The following NKIRAS1 variants were observed in gnomAD, a reference collection of about 807,000 sequenced individuals.
NKIRAS1 encodes the protein NFKB inhibitor interacting Ras like 1, also known as NF-kappa-B inhibitor-interacting Ras-like protein 1.
In NKIRAS1, 16 loss-of-function variants were observed where a neutral mutation model predicts 19.8. That is an observed-to-expected ratio of 0.81 (90% CI 0.55 to 1.23). The LOEUF (loss-of-function observed/expected upper bound fraction) is 1.23, where lower values mean the gene tolerates loss of function less well. NKIRAS1 is among the 50% of genes most tolerant of loss of function. The pLI is 0.00. For missense variants in NKIRAS1, 184 were observed against 220.0 expected (o/e 0.84, Z 1.04); for synonymous variants, 88 against 79.0 (o/e 1.11, Z -0.61).
chr3:23,914,423 G>A (rs1216360698), intron 1 of NKIRAS1, among the ~76,000 whole-genome samples: 2 of 152,098 alleles, frequency 1.3e-5, no homozygotes, highest in African/African-American at 4.8e-5. Flanking sequence ...CTGTCATGTG[G>A]GGAAACCACC....
chr3:23,910,411 T>G (rs1451075612), intron 3 of NKIRAS1, among the ~76,000 whole-genome samples: 6 of 152,152 alleles, frequency 3.9e-5, no homozygotes, highest in African/African-American at 1.4e-4. Context: ...TGCCTCGGCC[T>G]CCCAAAGTGC....
intron 1 of NKIRAS1, among the ~76,000 whole-genome samples, chr3:23,914,889 C>T (rs1366396778): frequency 6.6e-6 from 1 of 152,208 alleles, no homozygotes; most frequent in African/African-American, 2.4e-5. Flanking sequence ...CAGGACTACG[C>T]CCATAGGCAG....
At chr3:23,946,204 G>A in intron 1 of NKIRAS1, 1 of 985,436 alleles carries the variant, frequency 1.0e-6, no homozygotes, top group Non-Finnish European at 1.2e-6. Flanking sequence ...CGTCCCCGAA[G>A]CGGGCGCTGA....
chr3:23,906,922 C>T (rs1161706119), intron 3 of NKIRAS1, among the ~76,000 whole-genome samples: 2 of 151,998 alleles, frequency 1.3e-5, no homozygotes, highest in African/African-American at 4.8e-5. Flanking sequence ...TTGATACAGT[C>T]TCGCTCTGTT....
At chr3:23,931,710 AGGAG>A (rs1705318283) in intron 1 of NKIRAS1, among the ~76,000 whole-genome samples, 1 of 104,634 alleles carries the variant, frequency 9.6e-6, no homozygotes, top group Non-Finnish European at 2.2e-5. Context: ...ATGGAAAGGA[AGGAG>A]AGAGAGAGAG....
At position 23,900,808 on chromosome 3, in the gene NKIRAS1, CTCT is replaced by C; in HGVS notation, c.333_335del (p.Glu112del). On this transcript the variant is annotated inframe_deletion and splice_region_variant, in exon 4 of 5. Transcript: ENST00000425478. Reference sequence around the variant, plus strand: ...TGGCATTTTTAACATATCCACTTGCCTCTTTTTTGTCTTTGAACTTATCGATTT... The same window carrying C: ...TGGCATTTTTAACATATCCACTTGCCTTTTTGTCTTTGAACTTATCGATTT... 1 of 1,611,862 alleles carries C rather than the reference CTCT, an allele frequency of 6.2e-7. No homozygotes were observed. Among genetic ancestry groups the C allele is most frequent in the Non-Finnish European group, 8.5e-7 (1 of 1,178,648 alleles).
chr3:23,919,232 C>G, upstream of NKIRAS1: 1 of 1,613,822 alleles, frequency 6.2e-7, no homozygotes, highest in South Asian at 1.1e-5. Flanking sequence ...TCTGAGAGTC[C>G]TGAATTCTTA....
chr3:23,933,628 C>G (rs1705350303), intron 1 of NKIRAS1, among the ~76,000 whole-genome samples: 1 of 152,220 alleles, frequency 6.6e-6, no homozygotes, highest in African/African-American at 2.4e-5. Flanking sequence ...CTGTGCCTAT[C>G]TCCCCCACTC....
upstream of NKIRAS1, chr3:23,917,028 C>G (rs1175295219): frequency 6.6e-6 from 1 of 152,566 alleles, no homozygotes; most frequent in Non-Finnish European, 1.5e-5. Flanking sequence ...ACTCCGCCAC[C>G]AGGCGCGATG....
At chr3:23,907,525 A>G (rs1703195526) in intron 3 of NKIRAS1, among the ~76,000 whole-genome samples, 1 of 152,192 alleles carries the variant, frequency 6.6e-6, no homozygotes, top group African/African-American at 2.4e-5. Flanking sequence ...GCAAAACTAT[A>G]TTCATACTAC....
chr3:23,898,177 G>GA (rs1262992446), intron 4 of NKIRAS1, among the ~76,000 whole-genome samples: 1 of 152,078 alleles, frequency 6.6e-6, no homozygotes, highest in Non-Finnish European at 1.5e-5. Context: ...AAATACGGGG[G>GA]AGAGGAGCTT....
In NKIRAS1 at chr3:23,927,541, G is replaced by T. The variant is rs1407402173; in HGVS notation, c.-139-16091C>A. Among the ~76,000 whole-genome samples the T allele has an allele frequency of 6.6e-6, 1 of 152,204 alleles. No individual in the cohort carries two copies. The highest frequency in any genetic ancestry group is 1.5e-5 in the Non-Finnish European group (1 of 68,050). ...TCCTCCAAAACTGATGAAAGCATTTGATTTAATTGGCATGCTGTGAACATC... is the reference window on the plus strand; with the variant it reads ...TCCTCCAAAACTGATGAAAGCATTTTATTTAATTGGCATGCTGTGAACATC... On this transcript the variant is annotated intron_variant, in intron 1 of 4. Coordinates refer to the NKIRAS1 transcript ENST00000421515. This position sits in a 1 kb window ranked among gnomAD's most constrained non-coding sequence, Gnocchi z 4.0.
intron 1 of NKIRAS1, chr3:23,915,969 C>T (rs1014176266): frequency 6.6e-6 from 1 of 152,200 alleles, no homozygotes; most frequent in Non-Finnish European, 1.5e-5. Context: ...GCTTACTGCC[C>T]ATTTCCAAGA....
At chr3:23,941,640 G>A (rs1269475869) in intron 1 of NKIRAS1, among the ~76,000 whole-genome samples, 1 of 152,132 alleles carries the variant, frequency 6.6e-6, no homozygotes, top group East Asian at 1.9e-4. Context: ...GCTACAGCAC[G>A]CTGGGTACTG....
In NKIRAS1 at chr3:23,902,083, T is replaced by A. The variant is rs139595580; in HGVS notation, c.95-1034A>T. ...AGCAAGACTCCGTCTCAAAAAATAA[T>A]AATAAAAAAATAAAAATAAATGAAT... On this transcript the variant is annotated intron_variant, in intron 3 of 4. Transcript: ENST00000425478. Among the ~76,000 whole-genome samples the A allele has an allele frequency of 1.1e-3, 168 of 151,912 alleles. 1 individual carries two copies. Among genetic ancestry groups the A allele is most frequent in the African/African-American group, 3.9e-3 (162 of 41,432 alleles).
chr3:23,890,414 C>G lies in NKIRAS1; in HGVS notation c.*2681G>C. Reference sequence around the variant, plus strand: ...TCGAAGATGGGTTTGATCACACATACTTTGTCGTACGTATCTACCCAAGCT... The same window carrying G: ...TCGAAGATGGGTTTGATCACACATAGTTTGTCGTACGTATCTACCCAAGCT... On this transcript the variant is annotated 3_prime_UTR_variant, in exon 5 of 5. Transcript: ENST00000425478. 5 of 1,161,634 alleles carry G rather than the reference C, an allele frequency of 4.3e-6. No individual in the cohort carries two copies. Among genetic ancestry groups the G allele is most frequent in the Non-Finnish European group, 6.1e-6 (5 of 822,082 alleles). The allele number at this position is 1,161,634 out of a possible 1,614,324, so 72.0% of individuals were successfully genotyped here.
upstream of NKIRAS1, chr3:23,920,305 C>T (rs758942175): frequency 1.1e-4 from 111 of 985,606 alleles, no homozygotes; most frequent in Non-Finnish European, 1.3e-4. Flanking sequence ...ATTCTTAGTC[C>T]AGTCAGTCTT....
chr3:23,944,347 T>A (rs13087250), intron 1 of NKIRAS1, among the ~76,000 whole-genome samples: 19,945 of 152,104 alleles, frequency 0.13, 1,846 homozygotes, highest in African/African-American at 0.25. Context: ...CAGAGCAAAC[T>A]GGAAAGAGTT....
rs1317545467 is a variant in NKIRAS1 at position 23,907,166 on chromosome 3, T to C, written c.94+3645A>G. 3.3e-5 allele frequency among the ~76,000 whole-genome samples: 5 copies of C among 152,234 alleles called. No homozygotes were observed. In the East Asian group the frequency reaches 9.6e-4, roughly 29 times the overall value. ...GCCTCGGCCTCCCAAAGTGCTGGGA[T>C]TACAGGCGTGAGCCACCACACCCGG... On this transcript the variant is annotated intron_variant, in intron 3 of 4. Coordinates refer to ENST00000425478, the MANE Select transcript of NKIRAS1 (RefSeq NM_020345.4).
Sources: gnomAD v4.1 joint callset for allele counts (sites outside exome capture counted in the v4.1 genomes callset) on GRCh38, gnomAD v4.1.1 for gene constraint, Gnocchi (gnomAD v3.1) non-coding constraint, MANE v1.5 for transcripts, NCBI Gene and HGNC (gene_info 2026-07-23, HGNC 2026-07-21) for gene names.